Variants in PSD3 observed in about 807,000 individuals in gnomAD.
PSD3 encodes pleckstrin and Sec7 domain containing 3, also known as PH and SEC7 domain-containing protein 3.
A neutral mutation model predicts 105.5 loss-of-function variants in PSD3; 49 were observed. The ratio of observed to expected loss-of-function variants is 0.46; its 90% confidence interval spans 0.37 to 0.59. The LOEUF is 0.59. Ranked by LOEUF, PSD3 falls within the 20% of genes least tolerant of loss-of-function variation. The pLI, the probability that PSD3 is intolerant of heterozygous loss-of-function variation, is 0.00. For synonymous variants in PSD3, 557 were observed against 457.8 expected, an observed-to-expected ratio of 1.22 and a Z score of -2.77; for missense variants, 1,561 against 1,263.8, an observed-to-expected ratio of 1.24 and a Z score of -3.57.
intron 11 of PSD3, among the ~76,000 whole-genome samples, chr8:18,608,918 G>T (rs1049033869): frequency 1.3e-5 from 2 of 152,128 alleles, no homozygotes; most frequent in African/African-American, 4.8e-5. Flanking sequence ...TCAAATGGCA[G>T]AGCATTTGTT....
At chr8:18,582,479 GTA>G (rs1802882124) in intron 12 of PSD3, among the ~76,000 whole-genome samples, 1 of 152,072 alleles carries the variant, frequency 6.6e-6, no homozygotes, top group Admixed American at 6.6e-5. Flanking sequence ...GCACATATGA[GTA>G]TATGGTCCAC....
intron 8 of PSD3, among the ~76,000 whole-genome samples, chr8:18,778,008 T>G (rs1417953851): frequency 6.6e-6 from 1 of 152,228 alleles, no homozygotes; most frequent in Non-Finnish European, 1.5e-5. Flanking sequence ...TATTCTATTA[T>G]GTATATATGT....
intron 9 of PSD3, among the ~76,000 whole-genome samples, chr8:18,687,353 C>T (rs79403743): frequency 0.036 from 5,428 of 152,056 alleles, 439 homozygotes; most frequent in East Asian, 0.2. Context: ...GTGGTCCTGA[C>T]TACTTGAGAG....
intron 8 of PSD3, among the ~76,000 whole-genome samples, chr8:18,777,504 T>G (rs1230770095): frequency 6.6e-6 from 1 of 152,254 alleles, no homozygotes; most frequent in Non-Finnish European, 1.5e-5. Context: ...AGTGTTTCAT[T>G]AGATTGTTTA....
intron 9 of PSD3, chr8:18,733,053 C>T (rs930214310): frequency 1.3e-5 from 2 of 152,174 alleles, no homozygotes; most frequent in Middle Eastern, 3.4e-3. Context: ...CGGACAGCAG[C>T]GTTGGTTACA....
At chr8:18,974,879 G>T (rs940591274) in intron 1 of PSD3, among the ~76,000 whole-genome samples, 1 of 152,002 alleles carries the variant, frequency 6.6e-6, no homozygotes, top group Non-Finnish European at 1.5e-5. Flanking sequence ...AGGGTGGACC[G>T]CAGTGCTAAT....
chr8:18,844,698 T>A (rs1487968439), intron 4 of PSD3, among the ~76,000 whole-genome samples: 2 of 152,080 alleles, frequency 1.3e-5, no homozygotes, highest in African/African-American at 4.8e-5. Flanking sequence ...CAGGGAAAAA[T>A]AAGATTATTA....
Position 18,633,584 on chromosome 8 carries a change from A to G in PSD3, c.2217-778T>C, listed in dbSNP as rs139741169. Among the ~76,000 whole-genome samples the G allele has an allele frequency of 6.0e-3, 914 of 152,270 alleles. 5 individuals are homozygous for G. Among genetic ancestry groups the G allele is most frequent in the African/African-American group, 0.021 (878 of 41,570 alleles). On this transcript the variant is annotated intron_variant, in intron 10 of 15. Transcript: ENST00000327040. ...CTGCATCCATGCCGCTGCAAAGGAC[A>G]TGATTTCAACCTTTTTCTATGGTTG...
intron 9 of PSD3, among the ~76,000 whole-genome samples, chr8:18,760,894 G>A (rs773788459): frequency 2.0e-5 from 3 of 152,068 alleles, no homozygotes; most frequent in Non-Finnish European, 2.9e-5. Context: ...CCATTAGGAA[G>A]GCACATCTCT....
intron 1 of PSD3, among the ~76,000 whole-genome samples, chr8:19,012,486 C>G (rs557634242): frequency 6.6e-6 from 1 of 152,234 alleles, no homozygotes; most frequent in South Asian, 2.1e-4. Context: ...TCCCTCACAT[C>G]TCACAAAAAT....
At chr8:18,878,920 C>A (rs1817906590) in intron 2 of PSD3, among the ~76,000 whole-genome samples, 1 of 151,948 alleles carries the variant, frequency 6.6e-6, no homozygotes, top group Non-Finnish European at 1.5e-5. Context: ...ATAAACTGCA[C>A]CAAAACATAT....
intron 4 of PSD3, among the ~76,000 whole-genome samples, chr8:18,826,572 T>C (rs927466402): frequency 1.3e-5 from 2 of 152,222 alleles, no homozygotes; most frequent in Non-Finnish European, 1.5e-5. Flanking sequence ...GGAATATAAA[T>C]TGAAATGTTA....
intron 9 of PSD3, among the ~76,000 whole-genome samples, chr8:18,760,177 G>C (rs998497866): frequency 2.0e-5 from 3 of 151,982 alleles, no homozygotes; most frequent in African/African-American, 7.3e-5. Context: ...GGTGCACAAT[G>C]CAGTATTTTG....
At chr8:18,773,283 A>G (rs975330580) in intron 8 of PSD3, among the ~76,000 whole-genome samples, 4 of 152,162 alleles carry the variant, frequency 2.6e-5, no homozygotes, top group East Asian at 1.9e-4. Context: ...CATTTCCCCA[A>G]TGAGTGGTCT....
chr8:18,631,467 G>A (rs994194359), intron 11 of PSD3, among the ~76,000 whole-genome samples: 1 of 151,940 alleles, frequency 6.6e-6, no homozygotes, highest in Non-Finnish European at 1.5e-5. Context: ...GTGATCTATA[G>A]CACTGCTAAT....
chr8:18,854,025 TCTACAA>T (rs1307012907), intron 4 of PSD3: 1 of 94,956 alleles, frequency 1.1e-5, no homozygotes, highest in Non-Finnish European at 2.2e-5. Flanking sequence ...CAAGGAAGTT[TCTACAA>T]TTACAATTAT....
intron 15 of PSD3, among the ~76,000 whole-genome samples, chr8:18,546,466 G>A (rs1174686774): frequency 1.3e-5 from 2 of 152,148 alleles, no homozygotes; most frequent in African/African-American, 4.8e-5. Flanking sequence ...TATGAGACAT[G>A]CCAAATGGGG....
At chr8:18,572,734 C>T (rs1242584147) in intron 13 of PSD3, 62 bp from the exon 14 acceptor site, 35 of 1,552,344 alleles carry the variant, frequency 2.3e-5, no homozygotes, top group Non-Finnish European at 2.8e-5. Flanking sequence ...TCACACTTTG[C>T]CTATTTCACG....
chr8:18,658,299 C>T (rs2130862727), intron 9 of PSD3, among the ~76,000 whole-genome samples: 1 of 152,232 alleles, frequency 6.6e-6, no homozygotes, highest in East Asian at 1.9e-4. Flanking sequence ...CAAATGCATC[C>T]AAAACTTAAA....
Sources: gnomAD v4.1 joint callset for allele counts (sites outside exome capture counted in the v4.1 genomes callset) on GRCh38, gnomAD v4.1.1 for gene constraint, MANE v1.5 for transcripts, NCBI Gene and HGNC (gene_info 2026-07-23, HGNC 2026-07-21) for gene names.